The following PTPRD variants were observed in gnomAD, a reference collection of about 807,000 sequenced individuals.
PTPRD encodes receptor-type tyrosine-protein phosphatase delta.
In PTPRD, 34 loss-of-function variants were observed where a neutral mutation model predicts 214.5. That is an observed-to-expected ratio of 0.16 (90% CI 0.12 to 0.21). The LOEUF is 0.21. Ranked by LOEUF, PTPRD falls within the 10% of genes least tolerant of loss-of-function variation. The pLI, the probability that PTPRD is intolerant of heterozygous loss-of-function variation, is 1.00. For synonymous variants in PTPRD, 1,128 were observed against 845.7 expected, an observed-to-expected ratio of 1.33 and a Z score of -5.79; for missense variants, 2,545 against 2,398.7, an observed-to-expected ratio of 1.06 and a Z score of -1.27.
intron 37 of PTPRD, among the ~76,000 whole-genome samples, chr9:8,386,654 G>A (rs1013280423): frequency 3.3e-5 from 5 of 152,092 alleles, no homozygotes; most frequent in Admixed American, 6.5e-5. Context: ...TGAGTCCCAA[G>A]GTCAGCCCAC....
chr9:9,231,055 G>T (rs1224489827), intron 9 of PTPRD, among the ~76,000 whole-genome samples: 1 of 151,980 alleles, frequency 6.6e-6, no homozygotes, highest in African/African-American at 2.4e-5. Context: ...ATGTCTGTCG[G>T]GGGGAGGGGG....
At chr9:8,379,258 C>T (rs915863796) in intron 37 of PTPRD, among the ~76,000 whole-genome samples, 1 of 152,070 alleles carries the variant, frequency 6.6e-6, no homozygotes, top group African/African-American at 2.4e-5. Flanking sequence ...ACACACATGG[C>T]CTCAGCAGTG....
chr9:9,723,489 T>C (rs1008949401), intron 7 of PTPRD, among the ~76,000 whole-genome samples: 1 of 152,062 alleles, frequency 6.6e-6, no homozygotes, highest in Non-Finnish European at 1.5e-5. Flanking sequence ...TGTTCTTTTT[T>C]AAAGATTTGG....
At chr9:10,098,015 A>G (rs534061373) in intron 3 of PTPRD, among the ~76,000 whole-genome samples, 1 of 151,938 alleles carries the variant, frequency 6.6e-6, no homozygotes, top group South Asian at 2.1e-4. Context: ...AGGATTATAA[A>G]TCATGCTGCT....
At chr9:9,571,042 T>C (rs2086224129) in intron 8 of PTPRD, among the ~76,000 whole-genome samples, 1 of 151,420 alleles carries the variant, frequency 6.6e-6, no homozygotes, top group Non-Finnish European at 1.5e-5. Flanking sequence ...AATCATGACA[T>C]GGCTTAGACT....
At position 9,861,141 on chromosome 9, in the gene PTPRD, C is replaced by G. The variant is rs74760351; in HGVS notation, c.-368+77366G>C. ...ATCTATAATAAATTATTGTTACTTCCTAACCACATTTTGACCACATTTCTA... is the reference window on the plus strand; with the variant it reads ...ATCTATAATAAATTATTGTTACTTCGTAACCACATTTTGACCACATTTCTA... On this transcript the variant is annotated intron_variant, in intron 5 of 45. Transcript: ENST00000381196. Among the ~76,000 whole-genome samples, 773 of 152,104 alleles carry G rather than the reference C, an allele frequency of 5.1e-3. 10 individuals carry two copies. Among genetic ancestry groups the G allele is most frequent in the African/African-American group, 0.018 (746 of 41,496 alleles).
chr9:10,125,423 T>TTTA (rs71485319), intron 3 of PTPRD, among the ~76,000 whole-genome samples: 24,012 of 133,114 alleles, frequency 0.18, 2,234 homozygotes, highest in Non-Finnish European at 0.22. Flanking sequence ...TTTGTTTTAT[T>TTTA]TTATTATTAT....
At chr9:8,329,820 C>CA (rs1353555589) in intron 44 of PTPRD, among the ~76,000 whole-genome samples, 2 of 152,070 alleles carry the variant, frequency 1.3e-5, no homozygotes, top group Non-Finnish European at 2.9e-5. Context: ...GAGGGTAAAA[C>CA]AAACAGCCTA....
chr9:9,411,874 C>T (rs2075548926), intron 8 of PTPRD, among the ~76,000 whole-genome samples: 1 of 152,016 alleles, frequency 6.6e-6, no homozygotes, highest in South Asian at 2.1e-4. Context: ...ATACTAAATG[C>T]ATAGTGACCC....
intron 2 of PTPRD, among the ~76,000 whole-genome samples, chr9:10,607,409 A>G (rs942374819): frequency 6.6e-6 from 1 of 151,900 alleles, no homozygotes; most frequent in Non-Finnish European, 1.5e-5. Context: ...TTTTGAGTAC[A>G]CCATTTTCAC....
intron 2 of PTPRD, among the ~76,000 whole-genome samples, chr9:10,438,038 T>A (rs867169363): frequency 1.4e-4 from 19 of 136,500 alleles, no homozygotes; most frequent in African/African-American, 6.2e-4. Context: ...TAGTGAAGGG[T>A]CATGTTCCTA....
Position 8,521,474 on chromosome 9 carries a change from A to G in PTPRD, c.764T>C (p.Ile255Thr). The change falls in exon 20 of 46, where the codon ATC becomes ACC. Residue 255 changes from isoleucine (I) to threonine (T), a missense_variant. Physicochemically the swap from Ile to Thr is moderately conservative, Grantham distance 89. Transcript: ENST00000381196. Reference sequence around the variant, plus strand: ...TGGTGACCCCACGGCCACACAGGTGATATTAACGCTTCCGCCTGGCATGAT... The same window carrying G: ...TGGTGACCCCACGGCCACACAGGTGGTATTAACGCTTCCGCCTGGCATGAT... ...HEIMPGGSVNITCVAVGSPMP... is the reference protein window; with the variant it reads ...HEIMPGGSVNTTCVAVGSPMP... 1.2e-6 allele frequency: 2 copies of G among 1,614,028 alleles called. No individual in the cohort carries two copies. Among genetic ancestry groups the G allele is most frequent in the Non-Finnish European group, 1.7e-6 (2 of 1,179,938 alleles).
intron 9 of PTPRD, among the ~76,000 whole-genome samples, chr9:9,377,745 T>C (rs1263281258): frequency 6.6e-6 from 1 of 151,758 alleles, no homozygotes; most frequent in Non-Finnish European, 1.5e-5. Context: ...ACAAGGTGGG[T>C]GGTGGGGGCT....
intron 8 of PTPRD, among the ~76,000 whole-genome samples, chr9:9,486,297 T>C (rs1449733326): frequency 6.6e-6 from 1 of 151,018 alleles, no homozygotes; most frequent in Non-Finnish European, 1.5e-5. Flanking sequence ...CAAACAAGGA[T>C]GGATTGTTAG....
chr9:9,668,275 G>A (rs537721547), intron 7 of PTPRD, among the ~76,000 whole-genome samples: 1 of 152,110 alleles, frequency 6.6e-6, no homozygotes, highest in East Asian at 1.9e-4. Context: ...ATCTGGACCC[G>A]ACAATTTATT....
chr9:8,822,446 C>T (rs2097089649), intron 11 of PTPRD, among the ~76,000 whole-genome samples: 1 of 152,168 alleles, frequency 6.6e-6, no homozygotes, highest in South Asian at 2.1e-4. Flanking sequence ...CAGCCAGGCG[C>T]TCACTACAAT....
rs146528660 is a variant in PTPRD at position 9,030,370 on chromosome 9, T to C, written c.-142-11635A>G. Among the ~76,000 whole-genome samples the C allele has an allele frequency of 1.5e-4, 21 of 143,104 alleles. No individual in the cohort carries two copies. The East Asian group carries it at 3.8e-3, about 26-fold the overall frequency. 93.9% of individuals were successfully genotyped at this position (143,104 alleles called of 152,430 possible). A position where few individuals can be genotyped will look rare whatever the true frequency, so the allele number is the denominator to read the frequency against. ...TATACCTATCAAATAAACTTTCTTC[T>C]GAAGAAGCTCAGACTTATTGTTTAC... is the stretch of plus-strand genomic sequence containing the variant. On this transcript the variant is annotated intron_variant, in intron 10 of 45. Coordinates refer to ENST00000381196, the MANE Select transcript of PTPRD (RefSeq NM_002839.4).
At chr9:9,661,256 T>C (rs143874462) in intron 7 of PTPRD, among the ~76,000 whole-genome samples, 1,827 of 151,998 alleles carry the variant, frequency 0.012, 21 homozygotes, top group Middle Eastern at 0.031. Flanking sequence ...TTTCAATAAA[T>C]AAAAACTAAT....
intron 13 of PTPRD, among the ~76,000 whole-genome samples, chr9:8,634,978 A>G (rs1252067362): frequency 6.6e-6 from 1 of 150,798 alleles, no homozygotes; most frequent in African/African-American, 2.4e-5. Flanking sequence ...TAGAAGAGGG[A>G]GCAAAAACAG....
Sources: allele counts gnomAD v4.1 joint callset (sites outside exome capture counted in the v4.1 genomes callset), GRCh38; gene constraint gnomAD v4.1.1; transcripts MANE v1.5; gene names NCBI Gene and HGNC (gene_info 2026-07-23, HGNC 2026-07-21).